SAMD5: variants seen among roughly 807,000 people sequenced by gnomAD.
SAMD5 encodes sterile alpha motif domain-containing protein 5.
In SAMD5, 13 loss-of-function variants were observed where a neutral mutation model predicts 11.3. The ratio of observed to expected loss-of-function variants is 1.15; its 90% confidence interval spans 0.75 to 1.83. The LOEUF is 1.83. Among genes scored for constraint, SAMD5 ranks in the 40% most tolerant of loss-of-function variants. The pLI, the probability that SAMD5 is intolerant of heterozygous loss-of-function variation, is 0.00. For synonymous variants in SAMD5, 129 were observed against 111.3 expected (o/e 1.16, Z -1.00); for missense variants, 255 against 239.1 (o/e 1.07, Z -0.44).
the SAMD5 span, among the ~76,000 whole-genome samples, chr6:147,937,751 T>C: frequency 6.6e-6 from 1 of 152,226 alleles, no homozygotes; most frequent in Non-Finnish European, 1.5e-5. Context: ...ATCAGATATG[T>C]ATATAAGAAT....
At chr6:147,735,928 A>C (rs989292902) in intron 1 of SAMD5, among the ~76,000 whole-genome samples, 3 of 152,276 alleles carry the variant, frequency 2.0e-5, no homozygotes, top group Admixed American at 2.0e-4. Context: ...GCTCTTTCTC[A>C]GTGCAACCTT....
intron 1 of SAMD5, among the ~76,000 whole-genome samples, chr6:147,724,423 C>T (rs1791597663): frequency 6.6e-6 from 1 of 152,166 alleles, no homozygotes; most frequent in Non-Finnish European, 1.5e-5. Context: ...TAACCTGTCA[C>T]AAATAAACAT....
At chr6:147,534,816 A>C (rs940880570) in intron 1 of SAMD5, among the ~76,000 whole-genome samples, 4 of 152,154 alleles carry the variant, frequency 2.6e-5, no homozygotes, top group Non-Finnish European at 5.9e-5. Flanking sequence ...ATGACTCCTA[A>C]ACCATAATTT....
In SAMD5 at chr6:147,516,457, A is replaced by C. The variant is rs140939794; in HGVS notation, c.459+7070A>C. On this transcript the variant is annotated intron_variant, in intron 1 of 1. Coordinates refer to ENST00000367474, the MANE Select transcript of SAMD5 (RefSeq NM_001030060.3). ...GGCTCTTCTGTGAAATATGGGCAAA[A>C]CTAGTGATTACCACATAGGGTTGTT... Among the ~76,000 whole-genome samples, 441 of 152,232 alleles carry C rather than the reference A, an allele frequency of 2.9e-3. 1 individual carries two copies. Among genetic ancestry groups the C allele is most frequent in the African/African-American group, 0.01 (421 of 41,522 alleles).
chr6:147,951,094 C>G, the SAMD5 span, among the ~76,000 whole-genome samples: 1 of 151,728 alleles, frequency 6.6e-6, no homozygotes, highest in African/African-American at 2.4e-5. Flanking sequence ...GACTGTTAAC[C>G]CAACTCCAGG....
the SAMD5 span, among the ~76,000 whole-genome samples, chr6:147,915,023 A>T: frequency 6.6e-6 from 1 of 152,198 alleles, no homozygotes; most frequent in South Asian, 2.1e-4. Flanking sequence ...ATGAGAACTA[A>T]TCTCAGTATC....
At chr6:147,943,197 G>A in the SAMD5 span, among the ~76,000 whole-genome samples, 2 of 152,150 alleles carry the variant, frequency 1.3e-5, no homozygotes, top group Non-Finnish European at 2.9e-5. Context: ...ATCAGGAGAT[G>A]AGAAATACTG....
At chr6:147,826,412 G>C in the SAMD5 span, among the ~76,000 whole-genome samples, 3 of 152,162 alleles carry the variant, frequency 2.0e-5, no homozygotes, top group Admixed American at 2.0e-4. Context: ...AAAAAGATGT[G>C]TCACTAATGT....
the SAMD5 span, among the ~76,000 whole-genome samples, chr6:147,781,185 T>G: frequency 2.0e-5 from 3 of 151,248 alleles, no homozygotes; most frequent in Non-Finnish European, 4.4e-5. Flanking sequence ...AGACAGGGTC[T>G]CATTTTGTCA....
the SAMD5 span, among the ~76,000 whole-genome samples, chr6:147,816,848 C>T: frequency 6.6e-6 from 1 of 152,024 alleles, no homozygotes; most frequent in Non-Finnish European, 1.5e-5. Context: ...CATTCACCAA[C>T]AAGACAGCCT....
intron 1 of SAMD5, among the ~76,000 whole-genome samples, chr6:147,612,599 A>G (rs1381943371): frequency 6.6e-6 from 1 of 152,076 alleles, no homozygotes; most frequent in Non-Finnish European, 1.5e-5. Flanking sequence ...GCTCTCTTTA[A>G]ATTTCTTTAC....
intron 1 of SAMD5, among the ~76,000 whole-genome samples, chr6:147,703,074 G>A (rs901076823): frequency 1.3e-5 from 2 of 151,622 alleles, no homozygotes; most frequent in African/African-American, 4.8e-5. Context: ...TTTTTGTTTT[G>A]TTTTGTTTTT....
the SAMD5 span, among the ~76,000 whole-genome samples, chr6:147,832,428 CAA>C: frequency 6.6e-6 from 1 of 152,154 alleles, no homozygotes; most frequent in Admixed American, 6.5e-5. Context: ...ATTTTACTGA[CAA>C]GAGTGCATTT....
chr6:147,836,038 T>C, the SAMD5 span, among the ~76,000 whole-genome samples: 16 of 152,234 alleles, frequency 1.1e-4, no homozygotes, highest in Admixed American at 1.0e-3. Flanking sequence ...AGCTTTACGC[T>C]TTTTAAATAC....
chr6:147,588,930 T>G (rs1789414271), intron 1 of SAMD5, among the ~76,000 whole-genome samples: 1 of 152,046 alleles, frequency 6.6e-6, no homozygotes, highest in Admixed American at 6.6e-5. Context: ...GGACTATACC[T>G]TCTGGTTTAT....
rs11962522 is a variant in SAMD5 at position 147,556,403 on chromosome 6, T to A, written c.460-7991T>A. ...CACCGTGCCCGGCTACTAGTGTTAT[T>A]TTTAAATGAATTAAATATGTATTTT... On this transcript the variant is annotated intron_variant, in intron 1 of 1. Coordinates refer to ENST00000367474, the MANE Select transcript of SAMD5 (RefSeq NM_001030060.3). 2.8e-3 allele frequency among the ~76,000 whole-genome samples: 432 copies of A among 152,370 alleles called. 1 individual carries two copies. The highest frequency in any genetic ancestry group is 9.9e-3 in the African/African-American group (412 of 41,586).
At chr6:147,525,211 G>C (rs1583067939) in intron 1 of SAMD5, among the ~76,000 whole-genome samples, 1 of 150,112 alleles carries the variant, frequency 6.7e-6, no homozygotes, top group African/African-American at 2.5e-5. Flanking sequence ...GGCAATAACT[G>C]CTCAATCAGT....
At chr6:147,787,880 C>T in the SAMD5 span, among the ~76,000 whole-genome samples, 2 of 152,168 alleles carry the variant, frequency 1.3e-5, no homozygotes, top group Non-Finnish European at 2.9e-5. Context: ...TCAGTAGCTC[C>T]GTAGCGCCAA....
intron 1 of SAMD5, among the ~76,000 whole-genome samples, chr6:147,550,727 G>GA (rs1456040380): frequency 2.6e-5 from 4 of 152,114 alleles, no homozygotes; most frequent in Admixed American, 6.6e-5. Flanking sequence ...CTAGAATGTG[G>GA]AATAACAGAC....
Sources: gnomAD v4.1 joint callset for allele counts (sites outside exome capture counted in the v4.1 genomes callset) on GRCh38, gnomAD v4.1.1 for gene constraint, MANE v1.5 for transcripts, NCBI Gene and HGNC (gene_info 2026-07-23, HGNC 2026-07-21) for gene names.